Variants in GNAI1 observed in about 807,000 individuals in gnomAD.
The protein encoded by GNAI1 is G protein subunit alpha i1, also known as guanine nucleotide-binding protein G(i) subunit alpha-1.
A neutral mutation model predicts 38.9 loss-of-function variants in GNAI1; 11 were observed. The observed-to-expected ratio is 0.28, with a 90% CI of 0.18 to 0.47. The LOEUF (loss-of-function observed/expected upper bound fraction) is 0.47. Among genes scored for constraint, GNAI1 ranks in the 20% least tolerant of loss-of-function variants. GNAI1 has a pLI of 0.99. For missense variants in GNAI1, 317 were observed against 436.9 expected (o/e 0.73, Z 2.45); for synonymous variants, 166 against 145.1 (o/e 1.14, Z -1.04).
chr7:80,196,640 T>C (rs1788579646), intron 3 of GNAI1, among the ~76,000 whole-genome samples: 1 of 151,978 alleles, frequency 6.6e-6, no homozygotes. Context: ...CTTAACCTCT[T>C]TGTGCCTTGG....
intron 5 of GNAI1, among the ~76,000 whole-genome samples, chr7:80,210,426 C>T (rs1788852814): frequency 6.6e-6 from 1 of 152,118 alleles, no homozygotes; most frequent in Non-Finnish European, 1.5e-5. Flanking sequence ...ATCTGAATTT[C>T]ATTTGCTTGC....
At chr7:80,152,491 T>G (rs1373272559) in intron 1 of GNAI1, among the ~76,000 whole-genome samples, 2 of 152,092 alleles carry the variant, frequency 1.3e-5, no homozygotes, top group African/African-American at 4.8e-5. Flanking sequence ...CGATGTTTTG[T>G]TTTTACAAAA....
At chr7:80,217,176 G>A (rs568613439) in intron 7 of GNAI1, 127 bp from the exon 8 acceptor site, 4 of 179,632 alleles carry the variant, frequency 2.2e-5, no homozygotes, top group Non-Finnish European at 3.9e-5. Flanking sequence ...GGAAAGCACA[G>A]TTAAGGAGTC....
chr7:80,197,180 ATT>A (rs35283597), intron 3 of GNAI1, among the ~76,000 whole-genome samples: 75,914 of 137,070 alleles, frequency 0.55, 21,216 homozygotes, highest in East Asian at 0.77. Context: ...GTTTCTGTGG[ATT>A]TTTTTTTTTT....
chr7:80,210,729 CTT>C (rs11347260), intron 5 of GNAI1, among the ~76,000 whole-genome samples: 12,844 of 129,352 alleles, frequency 0.099, 708 homozygotes, highest in South Asian at 0.22. Flanking sequence ...TTTGTTTTTG[CTT>C]TTTTTTTTTT....
intron 1 of GNAI1, among the ~76,000 whole-genome samples, chr7:80,143,735 G>A (rs769210999): frequency 2.6e-5 from 4 of 152,082 alleles, no homozygotes; most frequent in Non-Finnish European, 5.9e-5. Flanking sequence ...GACAAAGTAA[G>A]CTAATGCATC....
At chr7:80,189,307 CAT>C in intron 3 of GNAI1, 76 bp downstream of exon 3, 1 of 1,256,600 alleles carries the variant, frequency 8.0e-7, no homozygotes, top group Non-Finnish European at 1.1e-6. Flanking sequence ...TACTGTGTAA[CAT>C]AGGCTTGTCA....
At chr7:80,214,874 T>G (rs1249183634) in intron 7 of GNAI1, among the ~76,000 whole-genome samples, 1 of 152,204 alleles carries the variant, frequency 6.6e-6, no homozygotes, top group East Asian at 1.9e-4. Flanking sequence ...GTATCTATTC[T>G]CAATAGGTTA....
intron 5 of GNAI1, among the ~76,000 whole-genome samples, chr7:80,207,720 A>G (rs1191147234): frequency 6.6e-6 from 1 of 152,024 alleles, no homozygotes; most frequent in Non-Finnish European, 1.5e-5. Flanking sequence ...CGTGCTCTTC[A>G]TGTTGTAATT....
At chr7:80,203,167 C>A (rs55792819) in intron 4 of GNAI1, among the ~76,000 whole-genome samples, 2 of 152,238 alleles carry the variant, frequency 1.3e-5, no homozygotes, top group Non-Finnish European at 2.9e-5. Flanking sequence ...ATTTAGAGAG[C>A]AGTAAAGTGC....
intron 1 of GNAI1, among the ~76,000 whole-genome samples, chr7:80,151,996 A>C (rs899884118): frequency 2.0e-5 from 3 of 152,186 alleles, no homozygotes; most frequent in African/African-American, 7.2e-5. Flanking sequence ...TGACATGTTT[A>C]TTTTTAATTT....
chr7:80,199,491 C>G (rs150543918), intron 4 of GNAI1, 109 bp downstream of exon 4: 11 of 758,376 alleles, frequency 1.5e-5, no homozygotes, highest in Non-Finnish European at 2.3e-5. Flanking sequence ...TCTTGTACAA[C>G]TTAGGATATT....
rs67345654 is a variant in GNAI1, at chr7:80,222,382, ATTTTT to A, written c.*4904_*4908del. ...TGAAGGAGCTAGTTCTTCAAATTTAATTTTTTTTTTTTTTTTTTTCCTGAGACAGA... is the reference window on the plus strand; with the variant it reads ...TGAAGGAGCTAGTTCTTCAAATTTAATTTTTTTTTTTTTTCCTGAGACAGA... On this transcript the variant is annotated 3_prime_UTR_variant, in exon 8 of 8. Coordinates refer to ENST00000649796, the MANE Select transcript of GNAI1 (RefSeq NM_002069.6). 7.8e-6 allele frequency among the ~76,000 whole-genome samples: 1 copy of A among 127,872 alleles called. No individual in the cohort carries two copies. The highest frequency in any genetic ancestry group is 1.6e-5 in the Non-Finnish European group (1 of 61,960). 83.9% of individuals were successfully genotyped at this position (127,872 alleles called of 152,430 possible).
At chr7:80,146,472 G>GT (rs1584005811) in intron 1 of GNAI1, among the ~76,000 whole-genome samples, 3 of 152,046 alleles carry the variant, frequency 2.0e-5, no homozygotes, top group African/African-American at 4.8e-5. Flanking sequence ...AGGTTTTTGT[G>GT]TTTTTTTCCC....
At chr7:80,155,916 G>A (rs1787809731) in intron 1 of GNAI1, among the ~76,000 whole-genome samples, 1 of 151,770 alleles carries the variant, frequency 6.6e-6, no homozygotes, top group African/African-American at 2.4e-5. Context: ...ATTAGGCGTG[G>A]TGGCGTATGC....
chr7:80,151,193 C>T (rs1379875492), intron 1 of GNAI1, among the ~76,000 whole-genome samples: 1 of 152,150 alleles, frequency 6.6e-6, no homozygotes, highest in African/African-American at 2.4e-5. Flanking sequence ...CCACCCTTAC[C>T]TGTTTCCAGT....
intron 1 of GNAI1, among the ~76,000 whole-genome samples, chr7:80,136,258 T>C (rs899169155): frequency 1.1e-4 from 16 of 152,170 alleles, no homozygotes; most frequent in African/African-American, 3.6e-4. Context: ...TTTGCATGTT[T>C]TCTTCTCACA....
At chr7:80,188,317 A>G (rs1483086352) in intron 1 of GNAI1, among the ~76,000 whole-genome samples, 2 of 152,214 alleles carry the variant, frequency 1.3e-5, no homozygotes, top group Non-Finnish European at 1.5e-5. Context: ...ACATCTTCCA[A>G]TGGAGAGCAG....
At chr7:80,145,209 A>C (rs1410020503) in intron 1 of GNAI1, among the ~76,000 whole-genome samples, 1 of 152,240 alleles carries the variant, frequency 6.6e-6, no homozygotes, top group Non-Finnish European at 1.5e-5. Flanking sequence ...CAGAATATTC[A>C]GAAAAATAGG....
Sources: allele counts gnomAD v4.1 joint callset (sites outside exome capture counted in the v4.1 genomes callset), GRCh38; gene constraint gnomAD v4.1.1; transcripts MANE v1.5; gene names NCBI Gene and HGNC (gene_info 2026-07-23, HGNC 2026-07-21).